The following SH3PXD2A variants were observed in gnomAD, a reference collection of about 807,000 sequenced individuals.
The protein encoded by SH3PXD2A is SH3 and PX domains 2A, also known as SH3 and PX domain-containing protein 2A.
In SH3PXD2A, 32 loss-of-function variants were observed where a neutral mutation model predicts 115.2. The ratio of observed to expected loss-of-function variants is 0.28; its 90% CI spans 0.21 to 0.37. The LOEUF (loss-of-function observed/expected upper bound fraction) is 0.37. Among genes scored for constraint, SH3PXD2A ranks in the 10% least tolerant of loss-of-function variants. The probability of loss-of-function intolerance (pLI) is 1.00; values close to 1 mark genes in which losing one functional copy is unlikely to be tolerated. For synonymous variants in SH3PXD2A, 610 were observed against 629.1 expected (o/e 0.97, Z 0.45); for missense variants, 1,328 against 1,498.7 (o/e 0.89, Z 1.88).
intron 6 of SH3PXD2A, among the ~76,000 whole-genome samples, chr10:103,686,966 T>TCAA (rs764185843): frequency 1.6e-4 from 24 of 152,158 alleles, no homozygotes; most frequent in Non-Finnish European, 2.8e-4. Context: ...CAGGCTGGTC[T>TCAA]CAAACTCCTG....
intron 1 of SH3PXD2A, among the ~76,000 whole-genome samples, chr10:103,801,731 T>G (rs1228168118): frequency 6.6e-6 from 1 of 152,190 alleles, no homozygotes; most frequent in African/African-American, 2.4e-5. Context: ...TGAGACAGAG[T>G]CTCATTCTGT....
chr10:103,714,413 C>G (rs2038081557), intron 5 of SH3PXD2A, among the ~76,000 whole-genome samples: 1 of 152,218 alleles, frequency 6.6e-6, no homozygotes, highest in African/African-American at 2.4e-5. Context: ...GGCCTGAAAA[C>G]AGAGTCATCT....
chr10:103,844,727 C>T (rs1225042041), intron 1 of SH3PXD2A, among the ~76,000 whole-genome samples: 1 of 152,182 alleles, frequency 6.6e-6, no homozygotes, highest in Non-Finnish European at 1.5e-5. Context: ...ATGCTACCTG[C>T]ACTCTCCAAA....
chr10:103,766,736 G>A (rs1201893086), intron 3 of SH3PXD2A, among the ~76,000 whole-genome samples: 2 of 152,200 alleles, frequency 1.3e-5, no homozygotes, highest in African/African-American at 4.8e-5. Context: ...AAGGTTATCC[G>A]TGATTAGAAT....
At chr10:103,831,128 A>G (rs2039479115) in intron 1 of SH3PXD2A, among the ~76,000 whole-genome samples, 1 of 152,280 alleles carries the variant, frequency 6.6e-6, no homozygotes, top group Non-Finnish European at 1.5e-5. Context: ...TTTAATTTAC[A>G]TAAATGGATC....
At chr10:103,806,598 C>A (rs1589462937) in intron 1 of SH3PXD2A, among the ~76,000 whole-genome samples, 1 of 152,172 alleles carries the variant, frequency 6.6e-6, no homozygotes. Context: ...CAGGAGCAGT[C>A]AAGATAACAT....
chr10:103,737,839 C>G (rs1431805701), intron 3 of SH3PXD2A, among the ~76,000 whole-genome samples: 1 of 152,232 alleles, frequency 6.6e-6, no homozygotes, highest in East Asian at 1.9e-4. Context: ...GCAGCCACCC[C>G]TGACTTCCCT....
chr10:103,684,224 G>A (rs528362321), intron 6 of SH3PXD2A, among the ~76,000 whole-genome samples: 15 of 152,190 alleles, frequency 9.9e-5, no homozygotes, highest in Admixed American at 2.0e-4. Flanking sequence ...CTTCCACCTG[G>A]TTCCAGGGCT....
At chr10:103,855,137 C>T in intron 1 of SH3PXD2A, 58 bp downstream of exon 1, 1 of 1,330,132 alleles carries the variant, frequency 7.5e-7, no homozygotes, top group Non-Finnish European at 1.0e-6. Flanking sequence ...AGGGGCCATC[C>T]GGGGCCCTCC....
chr10:103,832,380 A>G (rs537341587), intron 1 of SH3PXD2A, among the ~76,000 whole-genome samples: 28 of 151,894 alleles, frequency 1.8e-4, no homozygotes, highest in African/African-American at 6.5e-4. Flanking sequence ...GAAAAAAAAA[A>G]AAAAGAAAAG....
rs76628693 is a variant in SH3PXD2A, at chr10:103,655,208, C to T, written c.604+5775G>A. On this transcript the variant is annotated intron_variant, in intron 8 of 14. Coordinates refer to ENST00000369774, the MANE Select transcript of SH3PXD2A (RefSeq NM_001394015.1). ...GGACAGGACCTCGTGGGGCCAGGCACCACCTCTGTGGCACCACATCTAAAT... is the reference window on the plus strand; with the variant it reads ...GGACAGGACCTCGTGGGGCCAGGCATCACCTCTGTGGCACCACATCTAAAT... Among the ~76,000 whole-genome samples, 899 of 152,298 alleles carry T rather than the reference C, an allele frequency of 5.9e-3. 6 individuals carry two copies. Among genetic ancestry groups the T allele is most frequent in the Middle Eastern group, 0.048 (14 of 294 alleles).
chr10:103,818,874 C>T (rs2039349527), intron 1 of SH3PXD2A, among the ~76,000 whole-genome samples: 1 of 152,162 alleles, frequency 6.6e-6, no homozygotes, highest in Non-Finnish European at 1.5e-5. Context: ...GAAACCTTTA[C>T]AAGGCACCTG....
intron 3 of SH3PXD2A, among the ~76,000 whole-genome samples, chr10:103,766,380 G>A (rs1264153933): frequency 6.6e-6 from 1 of 152,190 alleles, no homozygotes; most frequent in Non-Finnish European, 1.5e-5. Context: ...AGCCAGACAT[G>A]GACCAGGAGG....
chr10:103,758,587 TATC>T (rs2038667152), intron 3 of SH3PXD2A, among the ~76,000 whole-genome samples: 1 of 152,258 alleles, frequency 6.6e-6, no homozygotes, highest in African/African-American at 2.4e-5. Flanking sequence ...GTTCAATAAA[TATC>T]TGTGATAGAA....
chr10:103,657,431 G>A (rs865972971), intron 8 of SH3PXD2A, among the ~76,000 whole-genome samples: 15 of 152,188 alleles, frequency 9.9e-5, no homozygotes, highest in East Asian at 5.8e-4. Context: ...AAGAGGAGGC[G>A]CCTTATGCAC....
intron 1 of SH3PXD2A, among the ~76,000 whole-genome samples, chr10:103,803,698 T>G (rs2039169116): frequency 6.6e-6 from 1 of 152,180 alleles, no homozygotes; most frequent in Admixed American, 6.5e-5. Flanking sequence ...CTGAACTACT[T>G]TGATCAGGAC....
chr10:103,725,156 A>C (rs1391603087), intron 4 of SH3PXD2A, among the ~76,000 whole-genome samples: 2 of 152,182 alleles, frequency 1.3e-5, no homozygotes, highest in Non-Finnish European at 2.9e-5. Context: ...ATGGATAACA[A>C]TTAACTGGTC....
intron 13 of SH3PXD2A, 119 bp downstream of exon 13, chr10:103,611,462 C>G: frequency 1.1e-6 from 1 of 929,958 alleles, no homozygotes; most frequent in Non-Finnish European, 1.8e-6. Flanking sequence ...GAAGCCCCAG[C>G]AGGGCTCTGG....
chr10:103,731,165 G>T (rs59043903), intron 4 of SH3PXD2A, among the ~76,000 whole-genome samples: 4,474 of 141,930 alleles, frequency 0.032, 203 homozygotes, highest in African/African-American at 0.1. Flanking sequence ...TCCCGTTTTT[G>T]TTTTTTTTTT....
Sources: gnomAD v4.1 joint callset for allele counts (sites outside exome capture counted in the v4.1 genomes callset) on GRCh38, gnomAD v4.1.1 for gene constraint, MANE v1.5 for transcripts, NCBI Gene and HGNC (gene_info 2026-07-23, HGNC 2026-07-21) for gene names.